Variants in KLHDC4 observed in about 807,000 individuals in gnomAD.
KLHDC4 encodes the protein kelch domain-containing protein 4.
A neutral mutation model predicts 62.4 loss-of-function variants in KLHDC4; 90 were observed. That is an observed-to-expected ratio of 1.44 (90% CI 1.22 to 1.72). The LOEUF (loss-of-function observed/expected upper bound fraction) is 1.72. Among genes scored for constraint, KLHDC4 ranks in the 40% most tolerant of loss-of-function variants. KLHDC4 has a pLI of 0.00. For missense variants in KLHDC4, 1,025 were observed against 699.7 expected (o/e 1.47, Z -5.25); for synonymous variants, 386 against 284.4 (o/e 1.36, Z -3.59).
At chr16:87,762,818 G>C (rs535159192) in intron 1 of KLHDC4, among the ~76,000 whole-genome samples, 17 of 152,142 alleles carry the variant, frequency 1.1e-4, no homozygotes, top group Middle Eastern at 3.4e-3. Flanking sequence ...ATGCACACCC[G>C]AGCCTGGCAT....
chr16:87,731,485 A>G (rs1290759644), intron 5 of KLHDC4, among the ~76,000 whole-genome samples: 2 of 151,708 alleles, frequency 1.3e-5, no homozygotes, highest in East Asian at 3.9e-4. Context: ...AAAAAGGCCA[A>G]TGAAAAAAGG....
At chr16:87,714,643 G>GT (rs1212410867) in intron 7 of KLHDC4, 70 bp from the exon 8 acceptor site, 96 of 1,541,384 alleles carry the variant, frequency 6.2e-5, no homozygotes, top group Non-Finnish European at 8.5e-5. Context: ...CCCCAACCCT[G>GT]TGGGCGCATT....
intron 8 of KLHDC4, among the ~76,000 whole-genome samples, chr16:87,713,422 T>C (rs915844498): frequency 2.6e-5 from 4 of 152,076 alleles, no homozygotes; most frequent in African/African-American, 9.7e-5. Flanking sequence ...GGTTTCAAAC[T>C]CTTGGCCTCA....
chr16:87,740,349 T>A (rs1465877500), intron 5 of KLHDC4, among the ~76,000 whole-genome samples: 1 of 152,158 alleles, frequency 6.6e-6, no homozygotes, highest in South Asian at 2.1e-4. Context: ...GGCCCAGGGC[T>A]GAGCAGCACA....
chr16:87,757,810 T>A (rs886158847), intron 2 of KLHDC4, among the ~76,000 whole-genome samples: 2 of 152,104 alleles, frequency 1.3e-5, no homozygotes, highest in Non-Finnish European at 2.9e-5. Context: ...GAGGATCACT[T>A]GAACCCGGGA....
intron 7 of KLHDC4, among the ~76,000 whole-genome samples, chr16:87,720,778 T>C (rs1409707541): frequency 1.3e-5 from 2 of 152,264 alleles, no homozygotes; most frequent in East Asian, 3.8e-4. Context: ...TTTTGAAAAC[T>C]GCTTCAGGGA....
At position 87,708,556 on chromosome 16, in the gene KLHDC4, G is replaced by T. The variant is rs1380768993; in HGVS notation, c.1448-90C>A. 7.1e-6 allele frequency: 6 copies of T among 839,774 alleles called. No homozygotes were observed. The East Asian group carries it at 1.1e-4, about 16-fold the overall frequency. The allele number at this position is 839,774 out of a possible 1,614,324, so 52.0% of individuals were successfully genotyped here. On this transcript the variant is annotated intron_variant, in intron 10 of 11. Coordinates refer to ENST00000270583, the MANE Select transcript of KLHDC4 (RefSeq NM_017566.4). ...GACGGTGGTGGCTACGTCCTGGGGG[G>T]ATTCCATTTTCTTAAGAACCATAAT... is the stretch of plus-strand genomic sequence containing the variant.
chr16:87,712,328 C>T (rs573703552), intron 8 of KLHDC4, among the ~76,000 whole-genome samples: 3 of 152,100 alleles, frequency 2.0e-5, no homozygotes, highest in East Asian at 1.9e-4. Context: ...TGGTGCTAGA[C>T]GTCACCCGCC....
intron 5 of KLHDC4, among the ~76,000 whole-genome samples, chr16:87,732,198 T>A (rs999101957): frequency 1.3e-5 from 2 of 151,084 alleles, no homozygotes; most frequent in Non-Finnish European, 2.9e-5. Flanking sequence ...AGGGTTCAAG[T>A]GAATCTCCTG....
At chr16:87,715,423 G>C (rs113817043) in intron 7 of KLHDC4, among the ~76,000 whole-genome samples, 3 of 152,168 alleles carry the variant, frequency 2.0e-5, no homozygotes, top group African/African-American at 7.2e-5. Flanking sequence ...CCCGTTACCG[G>C]GAGCGTGGCC....
intron 5 of KLHDC4, among the ~76,000 whole-genome samples, chr16:87,732,137 C>G (rs2040492904): frequency 6.6e-6 from 1 of 150,694 alleles, no homozygotes; most frequent in Non-Finnish European, 1.5e-5. Flanking sequence ...TCATTCTTGC[C>G]CAGGCCGGAG....
chr16:87,764,859 C>G (rs1015797808), intron 1 of KLHDC4, among the ~76,000 whole-genome samples: 6 of 150,142 alleles, frequency 4.0e-5, no homozygotes, highest in Non-Finnish European at 8.9e-5. Context: ...AAGAAAGAGC[C>G]TAAGAGGAGT....
At chr16:87,756,570 A>C in intron 2 of KLHDC4, 93 bp from the exon 3 acceptor site, 1 of 897,022 alleles carries the variant, frequency 1.1e-6, no homozygotes, top group African/African-American at 1.7e-5. Flanking sequence ...GTCACCACAA[A>C]CTGGCTGCCT....
At chr16:87,704,369 CCT>C (rs2034404042), downstream of KLHDC4, among the ~76,000 whole-genome samples, 1 of 136,440 alleles carries the variant, frequency 7.3e-6, no homozygotes, top group Non-Finnish European at 1.5e-5. Context: ...GAAGGAGGCG[CCT>C]GGGGAGGGTC....
At chr16:87,748,064 A>G (rs2043304894) in intron 5 of KLHDC4, among the ~76,000 whole-genome samples, 1 of 152,186 alleles carries the variant, frequency 6.6e-6, no homozygotes, top group Non-Finnish European at 1.5e-5. Context: ...CTCTTAAATA[A>G]TTTATATGCA....
chr16:87,765,198 G>T (rs1275727910), intron 1 of KLHDC4: 5 of 455,954 alleles, frequency 1.1e-5, no homozygotes, highest in Non-Finnish European at 2.2e-5. Context: ...TCCTCCTGCA[G>T]ACCCCGGGCT....
At chr16:87,729,725 G>A (rs1197442349) in intron 6 of KLHDC4, among the ~76,000 whole-genome samples, 1 of 152,232 alleles carries the variant, frequency 6.6e-6, no homozygotes, top group Non-Finnish European at 1.5e-5. Flanking sequence ...GCTGTGGAGA[G>A]TGTGCTATCA....
chr16:87,718,300 TCCCTCC>T (rs1438793380), intron 7 of KLHDC4, among the ~76,000 whole-genome samples: 7 of 70,694 alleles, frequency 9.9e-5, no homozygotes, highest in Non-Finnish European at 1.3e-4. Flanking sequence ...CCTCTCCCTC[TCCCTCC>T]CCCTCTCCCT....
chr16:87,749,610 G>T (rs969132774), intron 4 of KLHDC4, among the ~76,000 whole-genome samples: 1 of 150,870 alleles, frequency 6.6e-6, no homozygotes, highest in Non-Finnish European at 1.5e-5. Flanking sequence ...TAGAGACCAC[G>T]TCTTGCTCTA....
Sources: gnomAD v4.1 joint callset for allele counts (sites outside exome capture counted in the v4.1 genomes callset) on GRCh38, gnomAD v4.1.1 for gene constraint, MANE v1.5 for transcripts, NCBI Gene and HGNC (gene_info 2026-07-23, HGNC 2026-07-21) for gene names.